Variants in LRP1 observed in about 807,000 individuals in gnomAD.
LRP1 encodes prolow-density lipoprotein receptor-related protein 1.
LRP1 carries 51 observed loss-of-function variants against 541.5 expected under a neutral mutation model. The observed-to-expected ratio is 0.09, with a 90% confidence interval of 0.08 to 0.12. LRP1 has a LOEUF of 0.12. Ranked by LOEUF, LRP1 falls within the 10% of genes least tolerant of loss-of-function variation. The probability of loss-of-function intolerance (pLI) is 1.00; values close to 1 mark genes in which losing one functional copy is unlikely to be tolerated. For missense variants in LRP1, 3,878 were observed against 6,376.2 expected (o/e 0.61, Z 13.34); for synonymous variants, 2,219 against 2,470.8 (o/e 0.90, Z 3.02).
intron 42 of LRP1, among the ~76,000 whole-genome samples, 193 bp from the exon 43 acceptor site, chr12:57,190,612 C>A (rs570969820): frequency 2.6e-5 from 4 of 152,268 alleles, no homozygotes; most frequent in African/African-American, 9.6e-5. Context: ...TCACACTCAG[C>A]CACCTCGTGT....
Position 57,197,013 on chromosome 12 carries a change from A to G in LRP1, c.8924A>G (p.Asp2975Gly). 1.2e-6 allele frequency: 2 copies of G among 1,613,328 alleles called. No homozygotes were observed. The highest frequency in any genetic ancestry group is 1.7e-6 in the Non-Finnish European group (2 of 1,179,916). The change falls in exon 56 of 89, where the codon GAC becomes GGC. Residue 2975 changes from aspartate (D) to glycine (G), a missense_variant. Coordinates refer to ENST00000243077, the MANE Select transcript of LRP1 (RefSeq NM_002332.3). The surrounding 1 kb of genome is among the most constrained non-coding windows in gnomAD (Gnocchi z 4.5). ...CRCRPGFRLK[D>G]DGRTCADVDE... ...TGTCGCCCTGGCTTCCGGCTGAAGG[A>G]CGACGGCCGGACGTGTGCTGATGTG...
At chr12:57,196,877 C>A in intron 55 of LRP1, 105 bp from the exon 56 acceptor site, 1 of 996,046 alleles carries the variant, frequency 1.0e-6, no homozygotes, top group Non-Finnish European at 1.5e-6. Flanking sequence ...TGCTGCTGCC[C>A]CTAGTGAGGC....
chr12:57,175,961 C>T lies in LRP1; in HGVS notation c.3846C>T (p.Ile1282=), dbSNP rs920697824. ...IFSNRHEIRR[I]DLHKGDYSVL... ...CCAACCGCCATGAAATCCGGCGCAT[C>T]GATCTTCACAAAGGAGACTACAGCG... Residue 1282 remains isoleucine (I), a synonymous_variant, in exon 24 of 89, where the codon ATC becomes ATT. Transcript: ENST00000243077. The T allele has an allele frequency of 6.2e-6, 10 of 1,614,202 alleles. No homozygotes were observed. Among genetic ancestry groups the T allele is most frequent in the Middle Eastern group, 1.6e-4 (1 of 6,062 alleles).
chr12:57,144,852 C>T, intron 4 of LRP1, 120 bp from the exon 5 acceptor site: 1 of 992,840 alleles, frequency 1.0e-6, no homozygotes, highest in Non-Finnish European at 1.6e-6. Flanking sequence ...GTAATAGATT[C>T]TGCCGAACTG....
Position 57,201,377 on chromosome 12 carries a change from T to C in LRP1, c.10346-120T>C. The C allele has an allele frequency of 6.8e-7, 1 of 1,462,802 alleles. No homozygotes were observed. Among genetic ancestry groups the C allele is most frequent in the Non-Finnish European group, 9.2e-7 (1 of 1,081,690 alleles). 90.6% of individuals were successfully genotyped at this position (1,462,802 alleles called of 1,614,324 possible). ...ACCAAAACTGGGGATAAACTGTTCC[T>C]TCCTCCGAAGAAGTTGCTGGCAGGA... On this transcript the variant is annotated intron_variant, in intron 65 of 88. Transcript: ENST00000243077. This position sits in a 1 kb window ranked among gnomAD's most constrained non-coding sequence, Gnocchi z 6.4.
At position 57,191,796 on chromosome 12, in the gene LRP1, CAT is replaced by C. The variant is rs2036390361; in HGVS notation, c.7429+287_7429+288del. ...ACACACCCCACATACACACACCACA[CAT>C]ATCACATGCACACCCCACATATACC... On this transcript the variant is annotated intron_variant, in intron 44 of 88. Transcript: ENST00000243077. Among the ~76,000 whole-genome samples, 9 of 70,250 alleles carry C rather than the reference CAT, an allele frequency of 1.3e-4. No individual in the cohort carries two copies. The South Asian group carries it at 4.6e-3, about 36-fold the overall frequency. The allele number at this position is 70,250 out of a possible 152,430, so 46.1% of individuals were successfully genotyped here.
At chr12:57,182,764 C>T (rs893026726) in intron 34 of LRP1, among the ~76,000 whole-genome samples, 23 of 151,902 alleles carry the variant, frequency 1.5e-4, no homozygotes, top group African/African-American at 5.6e-4. Flanking sequence ...TGTGGTGAGC[C>T]GAGATCGCGT....
intron 15 of LRP1, chr12:57,164,468 G>A (rs1592623268): frequency 6.6e-6 from 1 of 152,170 alleles, no homozygotes; most frequent in Non-Finnish European, 1.5e-5. Flanking sequence ...TTTCTCTACT[G>A]TTGGATGTTT....
At position 57,201,984 on chromosome 12, in the gene LRP1, G is replaced by C. The variant is rs2036667031; in HGVS notation, c.10594+79G>C. The C allele has an allele frequency of 6.3e-7, 1 of 1,576,712 alleles. No homozygotes were observed. The highest frequency in any genetic ancestry group is 1.7e-5 in the Admixed American group (1 of 59,562). On this transcript the variant is annotated intron_variant, in intron 67 of 88. Transcript: ENST00000243077. The surrounding 1 kb of genome is among the most constrained non-coding windows in gnomAD (Gnocchi z 6.4). ...GGCACCCCTGGCAGGTGGAGGGCTG[G>C]GGGCCGCCTGCTTACCGGTCTCAGC...
intron 1 of LRP1, among the ~76,000 whole-genome samples, chr12:57,137,293 T>C (rs2035192697): frequency 6.7e-6 from 1 of 150,322 alleles, no homozygotes; most frequent in African/African-American, 2.4e-5. Context: ...TAATTCCTCC[T>C]TGGGGGATGA....
At position 57,179,986 on chromosome 12, in the gene LRP1, T is replaced by C. The variant is rs779130168; in HGVS notation, c.5141+30T>C. ...GTCTAGGGCCCAGGGCCGGGGAGCA[T>C]GGGGTGTGGGGCTGGGAAGAAGAGG... On this transcript the variant is annotated intron_variant, in intron 30 of 88. Transcript: ENST00000243077. The surrounding 1 kb of genome is among the most constrained non-coding windows in gnomAD (Gnocchi z 6.8). The C allele has an allele frequency of 1.9e-5, 30 of 1,613,756 alleles. No homozygotes were observed. Among genetic ancestry groups the C allele is most frequent in the Non-Finnish European group, 2.5e-5 (30 of 1,179,894 alleles).
intron 1 of LRP1, among the ~76,000 whole-genome samples, chr12:57,136,395 G>GCCCCCCCCCCCCCC (rs35376308): frequency 2.0e-5 from 2 of 99,102 alleles, no homozygotes; most frequent in African/African-American, 4.0e-5. Context: ...CCTCCTAAGA[G>GCCCCCCCCCCCCCC]CCCCCCCCCC....
In LRP1 at chr12:57,197,425, G is replaced by T. The variant is rs2136734142; in HGVS notation, c.9162+41G>T. The T allele has an allele frequency of 6.2e-7, 1 of 1,610,416 alleles. No individual in the cohort carries two copies. The highest frequency in any genetic ancestry group is 8.5e-7 in the Non-Finnish European group (1 of 1,177,232). On this transcript the variant is annotated intron_variant, in intron 57 of 88. Coordinates refer to ENST00000243077, the MANE Select transcript of LRP1 (RefSeq NM_002332.3). This position sits in a 1 kb window ranked among gnomAD's most constrained non-coding sequence, Gnocchi z 4.5. The stretch of plus-strand genomic sequence containing the variant: ...CCTCCTCCCCGCTGCCCATCTCCCA[G>T]ACCCAGCACAGCCTCCCTTGCAAGT...
At chr12:57,143,887 G>A in intron 4 of LRP1, 89 bp downstream of exon 4, 1 of 1,453,658 alleles carries the variant, frequency 6.9e-7, no homozygotes, top group Non-Finnish European at 9.2e-7. Context: ...TAGGGGGCCT[G>A]GCTGGAATAA....
chr12:57,206,831 G>A lies in LRP1; in HGVS notation c.11859+90G>A. 1.4e-6 allele frequency: 2 copies of A among 1,443,522 alleles called. No individual in the cohort carries two copies. Among genetic ancestry groups the A allele is most frequent in the Non-Finnish European group, 1.9e-6 (2 of 1,060,844 alleles). 89.4% of individuals were successfully genotyped at this position (1,443,522 alleles called of 1,614,324 possible). A position where few individuals can be genotyped will look rare whatever the true frequency, so the allele number is the denominator to read the frequency against. On this transcript the variant is annotated intron_variant, in intron 76 of 88. Coordinates refer to ENST00000243077, the MANE Select transcript of LRP1 (RefSeq NM_002332.3). The surrounding 1 kb of genome is among the most constrained non-coding windows in gnomAD (Gnocchi z 4.7). The stretch of plus-strand genomic sequence containing the variant: ...ATTTGAAAAGGGCAGTGCTGGCTAG[G>A]CGCAGTGGCTCACGCCTATAATCCC...
chr12:57,129,155 A>C, intron 1 of LRP1, 124 bp downstream of exon 1: 1 of 1,051,532 alleles, frequency 9.5e-7, no homozygotes, highest in Non-Finnish European at 1.4e-6. Flanking sequence ...AGTCCAGCTG[A>C]CACAGCAGCG....
rs901815918 is a variant in LRP1 at position 57,158,705 on chromosome 12, G to A, written c.1798+67G>A. On this transcript the variant is annotated intron_variant, in intron 11 of 88. Transcript: ENST00000243077. The surrounding 1 kb of genome is among the most constrained non-coding windows in gnomAD (Gnocchi z 5.3). ...GCTGGGGCCCAGGCATCTGTTTCTC[G>A]GTGCCCTCTCAGCAGGATGGTCCCC... is the stretch of plus-strand genomic sequence containing the variant. 32 of 1,442,674 alleles carry A rather than the reference G, an allele frequency of 2.2e-5. No individual in the cohort carries two copies. Among genetic ancestry groups the A allele is most frequent in the South Asian group, 3.5e-5 (3 of 85,874 alleles). The allele number at this position is 1,442,674 out of a possible 1,614,324, so 89.4% of individuals were successfully genotyped here.
chr12:57,170,877 C>T (rs1339928750), intron 20 of LRP1, among the ~76,000 whole-genome samples: 20 of 152,112 alleles, frequency 1.3e-4, no homozygotes, highest in Admixed American at 1.3e-3. Context: ...CCTCATCTGA[C>T]CCATGGACCA....
At chr12:57,148,257 T>C (rs550559115) in intron 6 of LRP1, among the ~76,000 whole-genome samples, 1 of 152,290 alleles carries the variant, frequency 6.6e-6, no homozygotes, top group South Asian at 2.1e-4. Flanking sequence ...CAGCAATTGT[T>C]TAGCATGCAG....
Sources: gnomAD v4.1 joint callset for allele counts (sites outside exome capture counted in the v4.1 genomes callset) on GRCh38, gnomAD v4.1.1 for gene constraint, Gnocchi (gnomAD v3.1) non-coding constraint, MANE v1.5 for transcripts, NCBI Gene and HGNC (gene_info 2026-07-23, HGNC 2026-07-21) for gene names.